KCNIP4: variants seen among roughly 807,000 people sequenced by gnomAD.
The protein encoded by KCNIP4 is potassium voltage-gated channel interacting protein 4.
Under a neutral mutation model 34.0 loss-of-function variants are expected in KCNIP4, and 12 were observed. That is an observed-to-expected ratio of 0.35 (90% CI 0.23 to 0.57). The LOEUF (loss-of-function observed/expected upper bound fraction) is 0.57, where lower values mean the gene tolerates loss of function less well. Ranked by LOEUF, KCNIP4 falls within the 20% of genes least tolerant of loss-of-function variation. KCNIP4 has a pLI of 0.83. For missense variants in KCNIP4, 238 were observed against 311.7 expected, an observed-to-expected ratio of 0.76 and a Z score of 1.78; for synonymous variants, 124 against 102.2, an observed-to-expected ratio of 1.21 and a Z score of -1.29.
At position 21,262,478 on chromosome 4, in the gene KCNIP4, T is replaced by A. The variant is rs569268954; in HGVS notation, c.62-379769A>T. Among the ~76,000 whole-genome samples, 3 of 152,306 alleles carry A rather than the reference T, an allele frequency of 2.0e-5. No homozygotes were observed. The East Asian group carries it at 5.8e-4, about 29-fold the overall frequency. ...GCAGCCTTAGCCAATGACTGATGGATGAGGAGTATAAATGCTCCAGCTTCC... is the reference window on the plus strand; with the variant it reads ...GCAGCCTTAGCCAATGACTGATGGAAGAGGAGTATAAATGCTCCAGCTTCC... On this transcript the variant is annotated intron_variant, in intron 1 of 8. Coordinates refer to ENST00000382152, the MANE Select transcript of KCNIP4 (RefSeq NM_025221.6).
intron 1 of KCNIP4, among the ~76,000 whole-genome samples, chr4:21,766,577 T>G (rs1718432902): frequency 6.6e-6 from 1 of 152,158 alleles, no homozygotes; most frequent in Non-Finnish European, 1.5e-5. Flanking sequence ...CTAACAACAA[T>G]GATCTGCATA....
intron 1 of KCNIP4, among the ~76,000 whole-genome samples, chr4:21,004,460 C>T (rs888928672): frequency 2.6e-5 from 4 of 152,154 alleles, no homozygotes; most frequent in African/African-American, 9.7e-5. Context: ...TGCACCATCG[C>T]TGTCAAGATA....
intron 1 of KCNIP4, among the ~76,000 whole-genome samples, chr4:21,482,438 A>G (rs1400207596): frequency 6.6e-6 from 1 of 152,142 alleles, no homozygotes; most frequent in Non-Finnish European, 1.5e-5. Context: ...ATGTTTTTGC[A>G]GTGCCTGGTA....
chr4:20,889,553 T>C (rs1427749771), intron 1 of KCNIP4, among the ~76,000 whole-genome samples: 1 of 152,118 alleles, frequency 6.6e-6, no homozygotes, highest in Non-Finnish European at 1.5e-5. Flanking sequence ...GTGGAAGTCG[T>C]AAGACTTTTA....
At chr4:21,694,888 C>T (rs930257979) in intron 1 of KCNIP4, among the ~76,000 whole-genome samples, 3 of 133,138 alleles carry the variant, frequency 2.3e-5, no homozygotes, top group South Asian at 4.6e-4. Context: ...AACAAAATCA[C>T]CGTTTCCTCA....
In KCNIP4 at chr4:21,400,697, G is replaced by T. The variant is rs140896052; in HGVS notation, c.62-517988C>A. On this transcript the variant is annotated intron_variant, in intron 1 of 8. Coordinates refer to ENST00000382152, the MANE Select transcript of KCNIP4 (RefSeq NM_025221.6). Reference sequence around the variant, plus strand: ...GTGACCAAGCATCCAACTGGTGCTGGATTGGTTAGGGCTCATGAATATATA... The same window carrying T: ...GTGACCAAGCATCCAACTGGTGCTGTATTGGTTAGGGCTCATGAATATATA... Among the ~76,000 whole-genome samples the T allele has an allele frequency of 6.9e-4, 105 of 152,188 alleles. 1 individual carries two copies. Among genetic ancestry groups the T allele is most frequent in the African/African-American group, 2.0e-3 (84 of 41,480 alleles).
chr4:21,094,838 T>C (rs1322554480), intron 1 of KCNIP4, among the ~76,000 whole-genome samples: 1 of 152,132 alleles, frequency 6.6e-6, no homozygotes, highest in East Asian at 1.9e-4. Flanking sequence ...TACTTGATTA[T>C]TGTACAAAGG....
chr4:20,897,623 G>C (rs564515319), intron 1 of KCNIP4, among the ~76,000 whole-genome samples: 2 of 152,190 alleles, frequency 1.3e-5, no homozygotes, highest in Admixed American at 1.3e-4. Context: ...CATTAGAGTG[G>C]GGCCCTGATC....
At chr4:21,073,367 T>C (rs1269942152) in intron 1 of KCNIP4, among the ~76,000 whole-genome samples, 1 of 152,168 alleles carries the variant, frequency 6.6e-6, no homozygotes, top group Non-Finnish European at 1.5e-5. Flanking sequence ...TCACGTCCCT[T>C]GTAAGTTGGA....
chr4:20,806,822 C>T (rs1040693565), intron 3 of KCNIP4, among the ~76,000 whole-genome samples: 1 of 152,180 alleles, frequency 6.6e-6, no homozygotes, highest in Non-Finnish European at 1.5e-5. Flanking sequence ...AGCAGCAGAA[C>T]TGGGTTTTGA....
chr4:20,967,796 C>A (rs1734523702), intron 1 of KCNIP4, among the ~76,000 whole-genome samples: 1 of 152,128 alleles, frequency 6.6e-6, no homozygotes, highest in Non-Finnish European at 1.5e-5. Flanking sequence ...GGATTAAAGA[C>A]TTAAATGTAA....
At chr4:21,030,757 T>G (rs1408893056) in intron 1 of KCNIP4, among the ~76,000 whole-genome samples, 1 of 152,162 alleles carries the variant, frequency 6.6e-6, no homozygotes, top group African/African-American at 2.4e-5. Flanking sequence ...AGAAGCTCAA[T>G]GAAGTGTATA....
chr4:21,406,646 G>C (rs2109572869), intron 1 of KCNIP4, among the ~76,000 whole-genome samples: 1 of 152,290 alleles, frequency 6.6e-6, no homozygotes, highest in South Asian at 2.1e-4. Flanking sequence ...TGATGTAATT[G>C]AGTTTTGTGC....
chr4:21,075,873 G>T (rs573098229), intron 1 of KCNIP4, among the ~76,000 whole-genome samples: 49 of 152,190 alleles, frequency 3.2e-4, no homozygotes, highest in African/African-American at 9.9e-4. Flanking sequence ...GTCTGTAAAG[G>T]ATTTTATTTC....
chr4:21,409,518 A>G (rs1003110187), intron 1 of KCNIP4, among the ~76,000 whole-genome samples: 1 of 152,238 alleles, frequency 6.6e-6, no homozygotes, highest in Non-Finnish European at 1.5e-5. Context: ...AAATAGGTAA[A>G]AAAAATACTG....
chr4:20,855,677 T>A (rs542361352), intron 2 of KCNIP4, among the ~76,000 whole-genome samples: 8 of 149,658 alleles, frequency 5.3e-5, no homozygotes, highest in South Asian at 2.1e-4. Context: ...AAAAAAAAAA[T>A]TGGTGATGAA....
At chr4:21,664,397 T>C (rs564044086) in intron 1 of KCNIP4, among the ~76,000 whole-genome samples, 1 of 146,082 alleles carries the variant, frequency 6.8e-6, no homozygotes, top group African/African-American at 2.6e-5. Flanking sequence ...CTCCCTAACC[T>C]ACTTCTTAAA....
chr4:20,783,109 C>T (rs1445293071), intron 3 of KCNIP4, among the ~76,000 whole-genome samples: 1 of 152,200 alleles, frequency 6.6e-6, no homozygotes, highest in Admixed American at 6.5e-5. Flanking sequence ...ACAAGTTCCT[C>T]ATCTCCTTCT....
chr4:21,582,562 G>A (rs988572569), intron 1 of KCNIP4, among the ~76,000 whole-genome samples: 1 of 151,834 alleles, frequency 6.6e-6, no homozygotes, highest in African/African-American at 2.4e-5. Flanking sequence ...AATCATTACT[G>A]AAAGTATTAT....
Sources: gnomAD v4.1 joint callset for allele counts (sites outside exome capture counted in the v4.1 genomes callset) on GRCh38, gnomAD v4.1.1 for gene constraint, MANE v1.5 for transcripts, NCBI Gene and HGNC (gene_info 2026-07-23, HGNC 2026-07-21) for gene names.